The following NEGR1 variants were observed in gnomAD, a reference collection of about 807,000 sequenced individuals.
The protein encoded by NEGR1 is IgLON family member 4.
In NEGR1, 10 loss-of-function variants were observed where a neutral mutation model predicts 40.9. The ratio of observed to expected loss-of-function variants is 0.24; its 90% confidence interval spans 0.15 to 0.42. The LOEUF (loss-of-function observed/expected upper bound fraction) is 0.42. Ranked by LOEUF, NEGR1 falls within the 10% of genes least tolerant of loss-of-function variation. The pLI is 1.00. For synonymous variants in NEGR1, 185 were observed against 166.8 expected (o/e 1.11, Z -0.84); for missense variants, 352 against 438.9 (o/e 0.80, Z 1.77).
intron 1 of NEGR1, among the ~76,000 whole-genome samples, chr1:72,259,233 T>A (rs1278970046): frequency 6.6e-6 from 1 of 152,112 alleles, no homozygotes; most frequent in Admixed American, 6.6e-5. Context: ...CTATAGATTG[T>A]AACTCAATTC....
intron 6 of NEGR1, among the ~76,000 whole-genome samples, chr1:71,522,267 A>T (rs1246289820): frequency 6.6e-6 from 1 of 151,952 alleles, no homozygotes; most frequent in Non-Finnish European, 1.5e-5. Context: ...TAGGCAAGGG[A>T]TGTTGAATTA....
chr1:71,631,006 C>T (rs1420253000), intron 4 of NEGR1, among the ~76,000 whole-genome samples: 5 of 151,796 alleles, frequency 3.3e-5, no homozygotes, highest in Non-Finnish European at 5.9e-5. Flanking sequence ...ATGTGCATAG[C>T]GATTATGAAC....
chr1:71,432,128 G>C (rs1646473607), intron 6 of NEGR1, among the ~76,000 whole-genome samples: 1 of 152,126 alleles, frequency 6.6e-6, no homozygotes, highest in African/African-American at 2.4e-5. Flanking sequence ...GAGATAGGAT[G>C]CTATTGAGTG....
At chr1:72,093,369 C>CA (rs1237580173) in intron 1 of NEGR1, among the ~76,000 whole-genome samples, 1 of 143,554 alleles carries the variant, frequency 7.0e-6, no homozygotes, top group Non-Finnish European at 1.5e-5. Context: ...GAATAAACAG[C>CA]AAAAAAATTT....
intron 3 of NEGR1, among the ~76,000 whole-genome samples, chr1:71,759,391 G>A (rs1197386862): frequency 1.5e-5 from 2 of 135,386 alleles, no homozygotes; most frequent in East Asian, 2.3e-4. Flanking sequence ...TCCGCTTCCC[G>A]GGTTCAAGTG....
At chr1:71,574,634 G>A (rs945077743) in intron 6 of NEGR1, among the ~76,000 whole-genome samples, 4 of 152,084 alleles carry the variant, frequency 2.6e-5, no homozygotes, top group Admixed American at 2.0e-4. Context: ...CTTAAAAATA[G>A]CATTCATGTC....
chr1:71,741,969 T>G (rs1655226854), intron 3 of NEGR1, among the ~76,000 whole-genome samples: 1 of 152,164 alleles, frequency 6.6e-6, no homozygotes, highest in Non-Finnish European at 1.5e-5. Flanking sequence ...CACTCCCATA[T>G]TCCAATCACC....
chr1:71,838,435 T>C (rs1397825188), intron 2 of NEGR1, among the ~76,000 whole-genome samples: 2 of 152,080 alleles, frequency 1.3e-5, no homozygotes, highest in Non-Finnish European at 2.9e-5. Context: ...ATTTTAAAAA[T>C]GATTAGGGAA....
rs1054137097 is a variant in NEGR1, at chr1:71,399,886, A to G, written c.*7560T>C. 2.0e-5 allele frequency: 3 copies of G among 152,134 alleles called. No homozygotes were observed. Among genetic ancestry groups the G allele is most frequent in the African/African-American group, 7.2e-5 (3 of 41,434 alleles). 9.4% of individuals were successfully genotyped at this position (152,134 alleles called of 1,614,324 possible). Reference sequence around the variant, plus strand: ...TAGGTATTTTTAGAACAATCAAGAGAATTTTGTTCCTTAGCTTTAGCATAT... The same window carrying G: ...TAGGTATTTTTAGAACAATCAAGAGGATTTTGTTCCTTAGCTTTAGCATAT... On this transcript the variant is annotated 3_prime_UTR_variant, in exon 7 of 7. Coordinates refer to ENST00000357731, the MANE Select transcript of NEGR1 (RefSeq NM_173808.3).
At chr1:71,809,523 G>A (rs1657911032) in intron 2 of NEGR1, among the ~76,000 whole-genome samples, 1 of 152,064 alleles carries the variant, frequency 6.6e-6, no homozygotes, top group African/African-American at 2.4e-5. Flanking sequence ...TCAAGTTTTT[G>A]CAAAGTAATG....
chr1:71,453,640 A>G (rs1646649399), intron 6 of NEGR1, among the ~76,000 whole-genome samples: 2 of 152,208 alleles, frequency 1.3e-5, no homozygotes, highest in South Asian at 4.1e-4. Flanking sequence ...GACCTGAAAT[A>G]ATGCCAGCAG....
chr1:72,084,378 C>G (rs1334747289), intron 1 of NEGR1, among the ~76,000 whole-genome samples: 2 of 152,182 alleles, frequency 1.3e-5, no homozygotes, highest in Admixed American at 1.3e-4. Context: ...ATCTTACCTT[C>G]TTGTTGCAGC....
intron 1 of NEGR1, among the ~76,000 whole-genome samples, chr1:72,083,578 G>A (rs1006633135): frequency 4.6e-5 from 7 of 151,840 alleles, no homozygotes; most frequent in African/African-American, 1.7e-4. Flanking sequence ...AAAAGTAACT[G>A]TTAGAATTCG....
chr1:72,010,812 T>C (rs1646650281), intron 1 of NEGR1, among the ~76,000 whole-genome samples: 1 of 152,158 alleles, frequency 6.6e-6, no homozygotes. Flanking sequence ...TGGAAGTGAC[T>C]TCTTTAAGCA....
chr1:72,126,189 A>G (rs1650016733), intron 1 of NEGR1, among the ~76,000 whole-genome samples: 1 of 150,746 alleles, frequency 6.6e-6, no homozygotes, highest in African/African-American at 2.4e-5. Flanking sequence ...GCATTTTATG[A>G]AGAGACAGTG....
At chr1:71,959,001 C>A (rs541278327) in intron 1 of NEGR1, among the ~76,000 whole-genome samples, 1 of 151,158 alleles carries the variant, frequency 6.6e-6, no homozygotes, top group East Asian at 1.9e-4. Context: ...ATGTTGTCGT[C>A]TATGTGGTAT....
intron 6 of NEGR1, among the ~76,000 whole-genome samples, chr1:71,443,870 G>A (rs1219117128): frequency 6.6e-6 from 1 of 152,180 alleles, no homozygotes; most frequent in Non-Finnish European, 1.5e-5. Flanking sequence ...AGATTTTCTA[G>A]ATTTTTCATT....
chr1:71,707,244 C>A (rs1379412314), intron 3 of NEGR1, among the ~76,000 whole-genome samples: 1 of 152,108 alleles, frequency 6.6e-6, no homozygotes, highest in Non-Finnish European at 1.5e-5. Flanking sequence ...ATTTCTGGAC[C>A]TGCCCTGGGC....
intron 2 of NEGR1, among the ~76,000 whole-genome samples, chr1:71,906,478 A>T (rs1570486441): frequency 7.8e-6 from 1 of 128,148 alleles, no homozygotes; most frequent in Admixed American, 7.4e-5. Context: ...GCCAAGGATT[A>T]AAAAAAAAAA....
Sources: gnomAD v4.1 joint callset for allele counts (sites outside exome capture counted in the v4.1 genomes callset) on GRCh38, gnomAD v4.1.1 for gene constraint, MANE v1.5 for transcripts, NCBI Gene and HGNC (gene_info 2026-07-23, HGNC 2026-07-21) for gene names.